Variants in MECOM observed in about 807,000 individuals in gnomAD.
MECOM encodes the protein MDS1 and EVI1 complex locus, also known as histone-lysine N-methyltransferase MECOM.
MECOM carries 13 observed loss-of-function variants against 116.3 expected under a neutral mutation model. That is an observed-to-expected ratio of 0.11 (90% CI 0.07 to 0.18). The LOEUF is 0.18. Among genes scored for constraint, MECOM ranks in the 10% least tolerant of loss-of-function variants. MECOM has a pLI of 1.00. For synonymous variants in MECOM, 528 were observed against 535.2 expected, an observed-to-expected ratio of 0.99 and a Z score of 0.19; for missense variants, 1,299 against 1,509.0, an observed-to-expected ratio of 0.86 and a Z score of 2.31.
intron 2 of MECOM, among the ~76,000 whole-genome samples, chr3:169,151,832 C>G (rs781568669): frequency 5.9e-5 from 9 of 152,128 alleles, no homozygotes; most frequent in Non-Finnish European, 1.2e-4. Context: ...CCCACTGATT[C>G]ATATATAAAT....
chr3:169,256,558 A>G (rs775391616), intron 2 of MECOM, among the ~76,000 whole-genome samples: 1 of 152,240 alleles, frequency 6.6e-6, no homozygotes, highest in Non-Finnish European at 1.5e-5. Flanking sequence ...TTTTACTAGG[A>G]GAACGTAAAA....
At chr3:169,372,616 T>G (rs564481569) in intron 2 of MECOM, among the ~76,000 whole-genome samples, 1 of 152,062 alleles carries the variant, frequency 6.6e-6, no homozygotes, top group Admixed American at 6.6e-5. Flanking sequence ...CTTATAAAAA[T>G]CAATCGATAA....
At chr3:169,368,138 G>A (rs904355187) in intron 2 of MECOM, among the ~76,000 whole-genome samples, 3 of 151,932 alleles carry the variant, frequency 2.0e-5, no homozygotes, top group Admixed American at 2.0e-4. Flanking sequence ...CTTGCCCTTT[G>A]TGATTTTTTA....
chr3:169,552,630 T>G (rs746027996), intron 1 of MECOM, among the ~76,000 whole-genome samples: 83 of 152,238 alleles, frequency 5.5e-4, no homozygotes, highest in Non-Finnish European at 1.0e-3. Flanking sequence ...CGACACAGCC[T>G]GGTCCAAAGC....
chr3:169,385,765 T>C (rs1733218007), intron 1 of MECOM, among the ~76,000 whole-genome samples: 2 of 152,188 alleles, frequency 1.3e-5, no homozygotes, highest in Admixed American at 6.5e-5. Context: ...TTGGGGAAAA[T>C]TGGTAGATCC....
intron 9 of MECOM, among the ~76,000 whole-genome samples, chr3:169,109,663 G>C (rs1036302170): frequency 2.6e-5 from 4 of 152,138 alleles, no homozygotes; most frequent in African/African-American, 9.7e-5. Context: ...TGATCCGCCC[G>C]CCTCGGCCTC....
chr3:169,094,209 TAA>T (rs1017528876), intron 13 of MECOM, among the ~76,000 whole-genome samples: 1 of 152,176 alleles, frequency 6.6e-6, no homozygotes, highest in Non-Finnish European at 1.5e-5. Flanking sequence ...GATTAATAAT[TAA>T]AAAATTCCAT....
chr3:169,235,421 T>C (rs1316534263), intron 2 of MECOM, among the ~76,000 whole-genome samples: 1 of 152,068 alleles, frequency 6.6e-6, no homozygotes, highest in Non-Finnish European at 1.5e-5. Context: ...ATAAAGCAAA[T>C]CACTGACAAA....
intron 1 of MECOM, among the ~76,000 whole-genome samples, chr3:169,393,908 A>C (rs1338539511): frequency 6.6e-6 from 1 of 152,200 alleles, no homozygotes; most frequent in Non-Finnish European, 1.5e-5. Flanking sequence ...TAAAATTCTT[A>C]CTAACTTAAA....
chr3:169,654,601 C>T (rs1577307771), intron 1 of MECOM, among the ~76,000 whole-genome samples: 2 of 152,234 alleles, frequency 1.3e-5, no homozygotes, highest in African/African-American at 4.8e-5. Context: ...ACCCCCAGCC[C>T]ACAAATCAAA....
At chr3:169,159,368 A>G (rs1742486726) in intron 2 of MECOM, among the ~76,000 whole-genome samples, 1 of 151,942 alleles carries the variant, frequency 6.6e-6, no homozygotes, top group African/African-American at 2.4e-5. Context: ...GACGAGCCTG[A>G]CCAACATAGT....
intron 2 of MECOM, 103 bp downstream of exon 2, chr3:169,381,084 C>T: frequency 2.9e-6 from 3 of 1,023,070 alleles, no homozygotes; most frequent in Non-Finnish European, 4.2e-6. Context: ...CTGTTGAAAA[C>T]ATATTGTAAC....
intron 2 of MECOM, among the ~76,000 whole-genome samples, chr3:169,206,521 G>A (rs751609519): frequency 6.6e-6 from 1 of 152,022 alleles, no homozygotes; most frequent in African/African-American, 2.4e-5. Flanking sequence ...GGAGGATGAC[G>A]CGGGCAGATT....
intron 1 of MECOM, among the ~76,000 whole-genome samples, chr3:169,395,036 G>A (rs567772626): frequency 2.1e-4 from 32 of 152,102 alleles, no homozygotes; most frequent in Non-Finnish European, 4.1e-4. Context: ...ATATACATCA[G>A]GTCAAATATA....
intron 2 of MECOM, among the ~76,000 whole-genome samples, chr3:169,174,255 G>A (rs559136594): frequency 5.1e-4 from 77 of 152,250 alleles, no homozygotes; most frequent in Non-Finnish European, 8.8e-4. Flanking sequence ...AGAAAAAAAT[G>A]TCTTAGGGAC....
intron 1 of MECOM, among the ~76,000 whole-genome samples, chr3:169,520,101 G>A (rs1757173619): frequency 6.6e-6 from 1 of 152,252 alleles, no homozygotes; most frequent in African/African-American, 2.4e-5. Flanking sequence ...ACAGTAAGAA[G>A]AGAGATGATC....
intron 1 of MECOM, among the ~76,000 whole-genome samples, chr3:169,489,527 G>A (rs957867399): frequency 6.6e-6 from 1 of 152,102 alleles, no homozygotes; most frequent in Non-Finnish European, 1.5e-5. Flanking sequence ...AGTGTTTGTG[G>A]CATCAGGATA....
At chr3:169,660,716 G>T (rs1051840287) in intron 1 of MECOM, among the ~76,000 whole-genome samples, 5 of 152,190 alleles carry the variant, frequency 3.3e-5, no homozygotes, top group Non-Finnish European at 7.3e-5. Context: ...TGAAGTTTTC[G>T]TTGGATGATT....
At chr3:169,658,321 T>A (rs1167729150) in intron 1 of MECOM, among the ~76,000 whole-genome samples, 1 of 152,168 alleles carries the variant, frequency 6.6e-6, no homozygotes, top group Non-Finnish European at 1.5e-5. Context: ...ACCCCATCTC[T>A]TCCCCAAACT....
Sources: allele counts gnomAD v4.1 joint callset (sites outside exome capture counted in the v4.1 genomes callset), GRCh38; gene constraint gnomAD v4.1.1; transcripts MANE v1.5; gene names NCBI Gene and HGNC (gene_info 2026-07-23, HGNC 2026-07-21).